The following SNX4 variants were observed in gnomAD, a reference collection of about 807,000 sequenced individuals.
SNX4 encodes the protein sorting nexin-4.
A neutral mutation model predicts 70.8 loss-of-function variants in SNX4; 49 were observed. The ratio of observed to expected loss-of-function variants is 0.69; its 90% confidence interval spans 0.55 to 0.88. The LOEUF is 0.88. Ranked by LOEUF, SNX4 falls within the 40% of genes least tolerant of loss-of-function variation. The pLI, the probability that SNX4 is intolerant of heterozygous loss-of-function variation, is 0.00. For missense variants in SNX4, 528 were observed against 544.8 expected, an observed-to-expected ratio of 0.97 and a Z score of 0.31; for synonymous variants, 206 against 183.8, an observed-to-expected ratio of 1.12 and a Z score of -0.98.
At chr3:125,492,929 T>C (rs1376213500) in intron 5 of SNX4, among the ~76,000 whole-genome samples, 1 of 152,166 alleles carries the variant, frequency 6.6e-6, no homozygotes, top group Non-Finnish European at 1.5e-5. Context: ...AGGGTTCTTA[T>C]GAATCAGCCT....
chr3:125,507,075 G>A (rs1010072440), intron 1 of SNX4, among the ~76,000 whole-genome samples: 5 of 150,344 alleles, frequency 3.3e-5, no homozygotes, highest in South Asian at 2.1e-4. Flanking sequence ...GGTGGCGGGC[G>A]CTTGTAATCC....
chr3:125,512,866 G>C (rs951483803), intron 1 of SNX4, among the ~76,000 whole-genome samples: 1 of 151,680 alleles, frequency 6.6e-6, no homozygotes, highest in African/African-American at 2.4e-5. Context: ...GGGTTCAAGT[G>C]ATTCTCATGT....
At chr3:125,519,987 G>T in intron 1 of SNX4, 45 bp downstream of exon 1, 1 of 1,143,840 alleles carries the variant, frequency 8.7e-7, no homozygotes, top group Non-Finnish European at 1.2e-6. Context: ...CGGCCCGCTA[G>T]GCCACCACAC....
intron 2 of SNX4, among the ~76,000 whole-genome samples, chr3:125,499,486 CA>C (rs1472040165): frequency 6.6e-6 from 1 of 151,738 alleles, no homozygotes; most frequent in Admixed American, 6.6e-5. Context: ...AAAAATGAAC[CA>C]AAATATGAAA....
intron 10 of SNX4, among the ~76,000 whole-genome samples, chr3:125,457,734 CA>C (rs1933761110): frequency 6.6e-6 from 1 of 151,884 alleles, no homozygotes; most frequent in South Asian, 2.1e-4. Context: ...TGCGCCACCA[CA>C]CCCAGCTAAT....
rs765388710 is a variant in SNX4 at position 125,476,684 on chromosome 3, A to G, written c.788+11T>C. 1 of 1,539,550 alleles carries G rather than the reference A, an allele frequency of 6.5e-7. No individual in the cohort carries two copies. The highest frequency in any genetic ancestry group is 9.0e-7 in the Non-Finnish European group (1 of 1,115,792). On this transcript the variant is annotated intron_variant, in intron 8 of 13. Coordinates refer to ENST00000251775, the MANE Select transcript of SNX4 (RefSeq NM_003794.4). ...AAAGCTAATTATTTTTAAAGTTTGT[A>G]TGATGCTTACCTGAAAACTCGACCA...
chr3:125,513,500 A>G (rs1378221946), intron 1 of SNX4, among the ~76,000 whole-genome samples: 2 of 152,210 alleles, frequency 1.3e-5, no homozygotes, highest in African/African-American at 2.4e-5. Flanking sequence ...CAAGAGCTCA[A>G]GTATTACTTT....
intron 1 of SNX4, among the ~76,000 whole-genome samples, chr3:125,508,358 G>A (rs1459330900): frequency 6.6e-6 from 1 of 152,060 alleles, no homozygotes; most frequent in Non-Finnish European, 1.5e-5. Flanking sequence ...ACGAGGTCAG[G>A]AGATTGAGAC....
In SNX4 at chr3:125,498,180, G is replaced by GT; in HGVS notation, c.277dup (p.Thr93AsnfsTer16). ...GTCTGTTAGGACACTCTGACCATCGGTATGTTCAACTGACCTGAAAAGGAA... is the reference window on the plus strand; with the variant it reads ...GTCTGTTAGGACACTCTGACCATCGGTTATGTTCAACTGACCTGAAAAGGAA... On this transcript the variant is annotated frameshift_variant, in exon 3 of 14. Transcript: ENST00000251775. LOFTEE classifies it high-confidence loss of function. 1 of 1,613,604 alleles carries GT rather than the reference G, an allele frequency of 6.2e-7. No homozygotes were observed. The highest frequency in any genetic ancestry group is 8.5e-7 in the Non-Finnish European group (1 of 1,179,858).
chr3:125,467,838 CAAAGAACTTA>C, intron 9 of SNX4, among the ~76,000 whole-genome samples: 2 of 152,328 alleles, frequency 1.3e-5, no homozygotes, highest in Admixed American at 1.3e-4. Flanking sequence ...AGAGATTTCT[CAAAGAACTTA>C]AAATAGAAGT....
At chr3:125,513,755 T>C (rs1410387422) in intron 1 of SNX4, among the ~76,000 whole-genome samples, 1 of 152,226 alleles carries the variant, frequency 6.6e-6, no homozygotes, top group South Asian at 2.1e-4. Context: ...TTTGGGGCTC[T>C]GTCTACACAG....
chr3:125,455,964 C>G (rs1241298477), intron 11 of SNX4, among the ~76,000 whole-genome samples: 2 of 152,116 alleles, frequency 1.3e-5, no homozygotes, highest in Non-Finnish European at 2.9e-5. Flanking sequence ...TTGCAGTGAG[C>G]CACACTCTAA....
intron 1 of SNX4, among the ~76,000 whole-genome samples, chr3:125,505,342 T>A (rs553744465): frequency 1.1e-4 from 17 of 152,290 alleles, no homozygotes; most frequent in African/African-American, 3.9e-4. Context: ...GGGAGGATAG[T>A]GGAGTAGGAA....
chr3:125,466,950 G>A (rs1934039440), intron 9 of SNX4, among the ~76,000 whole-genome samples: 1 of 151,924 alleles, frequency 6.6e-6, no homozygotes, highest in African/African-American at 2.4e-5. Context: ...GGGTGTGGTG[G>A]CACATGTCTG....
chr3:125,469,758 A>G (rs1934120505), intron 8 of SNX4, among the ~76,000 whole-genome samples: 1 of 152,194 alleles, frequency 6.6e-6, no homozygotes, highest in Non-Finnish European at 1.5e-5. Context: ...ATCATACTCA[A>G]CAGCTTCTGG....
intron 7 of SNX4, among the ~76,000 whole-genome samples, chr3:125,479,943 T>C (rs967623054): frequency 2.0e-5 from 3 of 152,012 alleles, no homozygotes; most frequent in Admixed American, 1.3e-4. Context: ...TGAAAGAATA[T>C]GATGTGTAGA....
At chr3:125,464,557 T>A (rs1381508456) in intron 9 of SNX4, among the ~76,000 whole-genome samples, 10 of 147,332 alleles carry the variant, frequency 6.8e-5, no homozygotes, top group South Asian at 2.1e-4. Context: ...TTGATCTATT[T>A]ATCTTTCTTT....
chr3:125,457,425 T>TC, intron 10 of SNX4, 60 bp from the exon 11 acceptor site: 1 of 1,297,680 alleles, frequency 7.7e-7, no homozygotes, highest in Non-Finnish European at 1.1e-6. Flanking sequence ...AACATTTTTT[T>TC]CAAGGGTAGA....
At position 125,510,394 on chromosome 3, in the gene SNX4, T is replaced by C. The variant is rs1002251372; in HGVS notation, c.142-5650A>G. ...TACAGGCGCCCGCCACACGCCCGGC[T>C]ATTTTTTTGTATTTTTAGTACAGAC... On this transcript the variant is annotated intron_variant, in intron 1 of 13. Transcript: ENST00000251775. Among the ~76,000 whole-genome samples, 3 of 151,758 alleles carry C rather than the reference T, an allele frequency of 2.0e-5. No individual in the cohort carries two copies. In the East Asian group the frequency reaches 5.8e-4, roughly 29 times the overall value.
Sources: gnomAD v4.1 joint callset for allele counts (sites outside exome capture counted in the v4.1 genomes callset) on GRCh38, gnomAD v4.1.1 for gene constraint, MANE v1.5 for transcripts, NCBI Gene and HGNC (gene_info 2026-07-23, HGNC 2026-07-21) for gene names.